The following RBFOX1 variants were observed in gnomAD, a reference collection of about 807,000 sequenced individuals.
The protein encoded by RBFOX1 is RNA binding protein fox-1 homolog 1.
RBFOX1 carries 8 observed loss-of-function variants against 57.7 expected under a neutral mutation model. That is an observed-to-expected ratio of 0.14 (90% confidence interval 0.08 to 0.25). RBFOX1 has a LOEUF of 0.25. Ranked by LOEUF, RBFOX1 falls within the 10% of genes least tolerant of loss-of-function variation. The probability of loss-of-function intolerance (pLI) is 1.00; values close to 1 mark genes in which losing one functional copy is unlikely to be tolerated. For synonymous variants in RBFOX1, 326 were observed against 222.4 expected, an observed-to-expected ratio of 1.47 and a Z score of -4.15; for missense variants, 611 against 548.5, an observed-to-expected ratio of 1.11 and a Z score of -1.14.
chr16:6,380,398 A>ATTTTTT lies in RBFOX1; in HGVS notation c.-64+63384_-64+63389dup, dbSNP rs60498960. ...CGTCTGTGAGTGGTGAATGGTGGGG[A>ATTTTTT]TTTTTTTTTTTTTTTTTTTTTTTTT... On this transcript the variant is annotated intron_variant, in intron 2 of 15. Coordinates refer to ENST00000550418, the MANE Select transcript of RBFOX1 (RefSeq NM_018723.4). 1.0e-4 allele frequency among the ~76,000 whole-genome samples: 5 copies of ATTTTTT among 49,160 alleles called. 1 individual carries two copies. Among genetic ancestry groups the ATTTTTT allele is most frequent in the Non-Finnish European group, 1.9e-4 (5 of 26,910 alleles). 32.3% of individuals were successfully genotyped at this position (49,160 alleles called of 152,430 possible). A position where few individuals can be genotyped will look rare whatever the true frequency, so the allele number is the denominator to read the frequency against.
chr16:6,352,788 G>A (rs1314643370), intron 2 of RBFOX1, among the ~76,000 whole-genome samples: 1 of 152,160 alleles, frequency 6.6e-6, no homozygotes, highest in African/African-American at 2.4e-5. Flanking sequence ...ACGCTGCCTT[G>A]CCCATCTATT....
At chr16:6,515,212 A>T (rs2153789122) in intron 2 of RBFOX1, among the ~76,000 whole-genome samples, 1 of 152,270 alleles carries the variant, frequency 6.6e-6, no homozygotes, top group South Asian at 2.1e-4. Flanking sequence ...CAGTGATTTC[A>T]TTATTTGCAC....
intron 1 of RBFOX1, among the ~76,000 whole-genome samples, chr16:6,211,188 CTT>C (rs71142694): frequency 6.6e-5 from 6 of 91,280 alleles, no homozygotes; most frequent in African/African-American, 1.4e-4. Context: ...TTTTCTTCTT[CTT>C]TTTTTTTTTT....
rs145034516 is a variant in RBFOX1 at position 7,692,806 on chromosome 16, G to C, written c.995+15968G>C. The stretch of plus-strand genomic sequence containing the variant: ...TGACAAGTTCTCTTAGCTCTATGTA[G>C]CAAGCTGGGTTTGATGAGGAAATTA... On this transcript the variant is annotated intron_variant, in intron 14 of 15. Coordinates refer to ENST00000550418, the MANE Select transcript of RBFOX1 (RefSeq NM_018723.4). Among the ~76,000 whole-genome samples the C allele has an allele frequency of 2.1e-4, 32 of 152,044 alleles. 1 individual carries two copies. Among genetic ancestry groups the C allele is most frequent in the African/African-American group, 7.7e-4 (32 of 41,484 alleles).
At chr16:5,809,168 T>G (rs1007539239) in intron 3 of RBFOX1, among the ~76,000 whole-genome samples, 1 of 152,098 alleles carries the variant, frequency 6.6e-6, no homozygotes, top group African/African-American at 2.4e-5. Flanking sequence ...ATACAAAAAT[T>G]AATTCAAGAT....
At chr16:5,873,532 A>G (rs899760435) in intron 4 of RBFOX1, among the ~76,000 whole-genome samples, 4 of 152,208 alleles carry the variant, frequency 2.6e-5, no homozygotes, top group Non-Finnish European at 5.9e-5. Context: ...TCAGTTGGAG[A>G]TATGGTTAGT....
intron 3 of RBFOX1, among the ~76,000 whole-genome samples, chr16:6,866,214 G>A (rs904837661): frequency 2.6e-5 from 4 of 151,850 alleles, no homozygotes; most frequent in African/African-American, 9.7e-5. Flanking sequence ...TTACTTCAGT[G>A]TCTTCTCATC....
intron 3 of RBFOX1, among the ~76,000 whole-genome samples, chr16:6,944,933 G>A (rs770737562): frequency 2.5e-4 from 38 of 152,166 alleles, no homozygotes; most frequent in Non-Finnish European, 3.7e-4. Flanking sequence ...TAAGGATGAA[G>A]ACAGTCTGAA....
At chr16:6,600,138 C>T (rs948877025) in intron 2 of RBFOX1, among the ~76,000 whole-genome samples, 1 of 152,174 alleles carries the variant, frequency 6.6e-6, no homozygotes, top group African/African-American at 2.4e-5. Flanking sequence ...AGACCCATCA[C>T]CCAATTTAGT....
At chr16:5,832,044 C>T (rs2056292572) in intron 3 of RBFOX1, among the ~76,000 whole-genome samples, 1 of 152,144 alleles carries the variant, frequency 6.6e-6, no homozygotes, top group African/African-American at 2.4e-5. Context: ...AGACCCCAGT[C>T]AGCATCAGAC....
intron 4 of RBFOX1, among the ~76,000 whole-genome samples, chr16:7,102,836 C>G (rs554210203): frequency 6.6e-6 from 1 of 152,074 alleles, no homozygotes; most frequent in African/African-American, 2.4e-5. Flanking sequence ...TTAGAAAACA[C>G]AGCCTAATTT....
chr16:6,701,750 A>G (rs2061889125), intron 3 of RBFOX1, among the ~76,000 whole-genome samples: 1 of 152,224 alleles, frequency 6.6e-6, no homozygotes, highest in Admixed American at 6.5e-5. Flanking sequence ...GCACATGTAC[A>G]CCATGGAATA....
chr16:5,560,094 TATTC>T (rs1331423491), intron 2 of RBFOX1, among the ~76,000 whole-genome samples: 3 of 152,328 alleles, frequency 2.0e-5, no homozygotes, highest in Admixed American at 1.3e-4. Flanking sequence ...GGCCAACACA[TATTC>T]ATTATTTATA....
chr16:7,099,945 G>T (rs2062386187), intron 4 of RBFOX1, among the ~76,000 whole-genome samples: 3 of 152,086 alleles, frequency 2.0e-5, no homozygotes, highest in Admixed American at 2.0e-4. Context: ...GGTAATGGTG[G>T]AGAGGGGTAT....
intron 3 of RBFOX1, among the ~76,000 whole-genome samples, chr16:6,930,188 T>A (rs1246048396): frequency 2.0e-5 from 3 of 152,308 alleles, no homozygotes; most frequent in South Asian, 2.1e-4. Flanking sequence ...TGATAAGGGA[T>A]TAATATTGAG....
chr16:6,093,882 A>G (rs1380200077), intron 1 of RBFOX1, among the ~76,000 whole-genome samples: 1 of 151,918 alleles, frequency 6.6e-6, no homozygotes, highest in East Asian at 1.9e-4. Flanking sequence ...CGCCTCCCAA[A>G]GTTCTGAGAT....
chr16:6,433,088 G>C (rs1303996027), intron 2 of RBFOX1, among the ~76,000 whole-genome samples: 2 of 152,194 alleles, frequency 1.3e-5, no homozygotes, highest in Non-Finnish European at 2.9e-5. Flanking sequence ...AGAAAGTCAG[G>C]GGAGAAAGTC....
At chr16:6,703,890 A>G (rs544004430) in intron 3 of RBFOX1, 21 of 152,302 alleles carry the variant, frequency 1.4e-4, no homozygotes, top group African/African-American at 4.8e-4. Flanking sequence ...ACCTGAGGCT[A>G]CAGCAGACTC....
intron 4 of RBFOX1, among the ~76,000 whole-genome samples, chr16:7,230,154 T>C (rs534886217): frequency 9.9e-5 from 15 of 151,734 alleles, no homozygotes; most frequent in Admixed American, 5.9e-4. Context: ...ATCCTTTTTT[T>C]CTGCGTTCGT....
Sources: gnomAD v4.1 joint callset for allele counts (sites outside exome capture counted in the v4.1 genomes callset) on GRCh38, gnomAD v4.1.1 for gene constraint, MANE v1.5 for transcripts, NCBI Gene and HGNC (gene_info 2026-07-23, HGNC 2026-07-21) for gene names.